The following CNTNAP2 variants were observed in gnomAD, a reference collection of about 807,000 sequenced individuals.
CNTNAP2 encodes contactin-associated protein-like 2.
Under a neutral mutation model 155.2 loss-of-function variants are expected in CNTNAP2, and 98 were observed. That is an observed-to-expected ratio of 0.63 (90% CI 0.54 to 0.75). CNTNAP2 has a LOEUF of 0.75. Ranked by LOEUF, CNTNAP2 falls within the 30% of genes least tolerant of loss-of-function variation. CNTNAP2 has a pLI of 0.00. For missense variants in CNTNAP2, 1,727 were observed against 1,688.1 expected (o/e 1.02, Z -0.40); for synonymous variants, 651 against 631.2 (o/e 1.03, Z -0.47).
At chr7:147,259,407 G>A (rs763975495) in intron 8 of CNTNAP2, among the ~76,000 whole-genome samples, 2 of 151,770 alleles carry the variant, frequency 1.3e-5, no homozygotes, top group African/African-American at 2.4e-5. Context: ...AAAATACCTC[G>A]ATAATGTATA....
At chr7:146,159,692 A>G (rs1234763587) in intron 1 of CNTNAP2, among the ~76,000 whole-genome samples, 1 of 152,262 alleles carries the variant, frequency 6.6e-6, no homozygotes, top group Non-Finnish European at 1.5e-5. Context: ...AGAGCTAACT[A>G]TCCTAAATAT....
At chr7:148,035,220 C>T (rs1802550694) in intron 15 of CNTNAP2, among the ~76,000 whole-genome samples, 1 of 152,172 alleles carries the variant, frequency 6.6e-6, no homozygotes, top group Non-Finnish European at 1.5e-5. Flanking sequence ...TGCTGCCAAG[C>T]AACCCTTTAA....
At chr7:146,851,360 C>T (rs961999621) in intron 3 of CNTNAP2, among the ~76,000 whole-genome samples, 3 of 152,128 alleles carry the variant, frequency 2.0e-5, no homozygotes, top group Non-Finnish European at 4.4e-5. Context: ...GTTAGAAGAT[C>T]TTGGTCTTTA....
At chr7:146,379,134 C>T (rs1300103475) in intron 1 of CNTNAP2, among the ~76,000 whole-genome samples, 2 of 152,320 alleles carry the variant, frequency 1.3e-5, no homozygotes, top group Non-Finnish European at 2.9e-5. Context: ...CTCTTTTAAA[C>T]CAATGCTCTT....
intron 13 of CNTNAP2, among the ~76,000 whole-genome samples, chr7:147,884,443 G>C (rs1260218599): frequency 6.6e-6 from 1 of 151,432 alleles, no homozygotes; most frequent in East Asian, 1.9e-4. Flanking sequence ...TCTGAATATT[G>C]AGTAATTTGT....
chr7:148,019,677 G>A (rs919562838), intron 15 of CNTNAP2, among the ~76,000 whole-genome samples: 3 of 151,830 alleles, frequency 2.0e-5, no homozygotes, highest in Admixed American at 6.6e-5. Flanking sequence ...TGCTGGTCTC[G>A]AACTCCTGGC....
At chr7:148,045,523 G>T (rs1585095188) in intron 15 of CNTNAP2, among the ~76,000 whole-genome samples, 1 of 152,318 alleles carries the variant, frequency 6.6e-6, no homozygotes, top group African/African-American at 2.4e-5. Flanking sequence ...TGAGGAGCTA[G>T]GAGGAAGCAG....
intron 20 of CNTNAP2, among the ~76,000 whole-genome samples, chr7:148,251,456 T>A (rs942788565): frequency 6.6e-6 from 1 of 152,002 alleles, no homozygotes; most frequent in Non-Finnish European, 1.5e-5. Context: ...TTACTGAGCT[T>A]CGGTGTCCAA....
intron 13 of CNTNAP2, among the ~76,000 whole-genome samples, chr7:147,803,455 A>G (rs902280589): frequency 2.2e-4 from 34 of 152,284 alleles, no homozygotes; most frequent in African/African-American, 7.7e-4. Context: ...TAGAAACTGC[A>G]TGTTCTCTGC....
chr7:147,579,321 G>A (rs1563006367), intron 12 of CNTNAP2, among the ~76,000 whole-genome samples: 2 of 152,222 alleles, frequency 1.3e-5, no homozygotes. Context: ...AATTGTTAAT[G>A]TATTTACTTA....
intron 14 of CNTNAP2, among the ~76,000 whole-genome samples, chr7:147,945,644 G>A (rs1051353281): frequency 6.6e-6 from 1 of 151,612 alleles, no homozygotes; most frequent in Non-Finnish European, 1.5e-5. Flanking sequence ...TCGAAGGGCA[G>A]TCAGGCATAG....
At chr7:146,912,283 C>A (rs964859920) in intron 3 of CNTNAP2, among the ~76,000 whole-genome samples, 1 of 150,104 alleles carries the variant, frequency 6.7e-6, no homozygotes, top group Admixed American at 6.7e-5. Flanking sequence ...AACCACAGTG[C>A]TTTTGACAAT....
At chr7:147,044,145 T>G (rs1012175218) in intron 4 of CNTNAP2, 91 bp downstream of exon 4, 4 of 1,429,700 alleles carry the variant, frequency 2.8e-6, no homozygotes, top group Non-Finnish European at 2.9e-6. Context: ...ATTACTTGCT[T>G]TCTCTGACAA....
At chr7:148,259,742 G>A (rs1263254739) in intron 20 of CNTNAP2, among the ~76,000 whole-genome samples, 1 of 152,194 alleles carries the variant, frequency 6.6e-6, no homozygotes, top group African/African-American at 2.4e-5. Flanking sequence ...GCTTAAAAAT[G>A]GAAATGAATG....
chr7:146,512,742 A>C (rs700286), intron 1 of CNTNAP2, among the ~76,000 whole-genome samples: 4,297 of 151,968 alleles, frequency 0.028, 198 homozygotes, highest in African/African-American at 0.098. Flanking sequence ...CCATGTACTG[A>C]TGGGAAGAAT....
At chr7:146,472,468 C>T (rs1796814786) in intron 1 of CNTNAP2, among the ~76,000 whole-genome samples, 1 of 152,292 alleles carries the variant, frequency 6.6e-6, no homozygotes, top group Non-Finnish European at 1.5e-5. Flanking sequence ...CGGATAACCA[C>T]TAGGACCTCA....
At chr7:147,975,224 C>T (rs1585056763) in intron 14 of CNTNAP2, among the ~76,000 whole-genome samples, 2 of 151,890 alleles carry the variant, frequency 1.3e-5, no homozygotes, top group East Asian at 3.9e-4. Flanking sequence ...CATAGTGATT[C>T]CATGCACATA....
At chr7:148,164,594 T>C (rs1205210180) in intron 17 of CNTNAP2, among the ~76,000 whole-genome samples, 2 of 149,392 alleles carry the variant, frequency 1.3e-5, no homozygotes, top group Middle Eastern at 3.2e-3. Context: ...CCTAACTCTG[T>C]GCTTTCTTTT....
intron 4 of CNTNAP2, among the ~76,000 whole-genome samples, chr7:147,078,990 A>T (rs577803907): frequency 3.3e-5 from 5 of 152,076 alleles, no homozygotes; most frequent in Non-Finnish European, 7.4e-5. Flanking sequence ...ACCTCAGGTG[A>T]TCTGCTCACC....
Sources: gnomAD v4.1 joint callset for allele counts (sites outside exome capture counted in the v4.1 genomes callset) on GRCh38, gnomAD v4.1.1 for gene constraint, MANE v1.5 for transcripts, NCBI Gene and HGNC (gene_info 2026-07-23, HGNC 2026-07-21) for gene names.